The following PLB1 variants were observed in gnomAD, a reference collection of about 807,000 sequenced individuals.
PLB1 encodes the protein phospholipase B1, membrane-associated.
In PLB1, 242 loss-of-function variants were observed where a neutral mutation model predicts 227.4. The ratio of observed to expected loss-of-function variants is 1.06; its 90% CI spans 0.96 to 1.18. The LOEUF is 1.18. PLB1 is among the 50% of genes most tolerant of loss of function. The probability of loss-of-function intolerance (pLI) is 0.00; values close to 1 mark genes in which losing one functional copy is unlikely to be tolerated. For synonymous variants in PLB1, 757 were observed against 682.2 expected (o/e 1.11, Z -1.71); for missense variants, 1,858 against 1,816.3 (o/e 1.02, Z -0.42).
rs11396456 is a variant in PLB1 at position 28,510,625 on chromosome 2, C to CTTTT, written c.56-6170_56-6167dup. Among the ~76,000 whole-genome samples, 89 of 118,002 alleles carry CTTTT rather than the reference C, an allele frequency of 7.5e-4. 1 individual carries two copies. Among genetic ancestry groups the CTTTT allele is most frequent in the Middle Eastern group, 4.7e-3 (1 of 212 alleles). 77.4% of individuals were successfully genotyped at this position (118,002 alleles called of 152,430 possible). Reference sequence around the variant, plus strand: ...TTTTTTCTTTTTTCTTTTTCTCTCTCTTTTTTTTTTTTTTTTGAGATGGAG... The same window carrying CTTTT: ...TTTTTTCTTTTTTCTTTTTCTCTCTCTTTTTTTTTTTTTTTTTTTTGAGATGGAG... On this transcript the variant is annotated intron_variant, in intron 1 of 57. Coordinates refer to ENST00000327757, the MANE Select transcript of PLB1 (RefSeq NM_153021.5).
At chr2:28,586,859 C>T (rs987052807) in intron 26 of PLB1, among the ~76,000 whole-genome samples, 4 of 152,148 alleles carry the variant, frequency 2.6e-5, no homozygotes, top group African/African-American at 7.2e-5. Flanking sequence ...GTGATCCTCC[C>T]GCCTCAGTCC....
At chr2:28,559,295 A>G (rs1411873436) in intron 17 of PLB1, among the ~76,000 whole-genome samples, 1 of 152,234 alleles carries the variant, frequency 6.6e-6, no homozygotes, top group Non-Finnish European at 1.5e-5. Flanking sequence ...CCCCAGACCT[A>G]TTGAGTCAAA....
chr2:28,612,196 A>G (rs2148315626), intron 43 of PLB1, among the ~76,000 whole-genome samples: 1 of 152,306 alleles, frequency 6.6e-6, no homozygotes, highest in African/African-American at 2.4e-5. Flanking sequence ...TCAGACAGGA[A>G]TGCTGAGACC....
intron 17 of PLB1, among the ~76,000 whole-genome samples, chr2:28,554,439 T>A (rs988675298): frequency 4.8e-5 from 7 of 146,662 alleles, no homozygotes; most frequent in Non-Finnish European, 7.5e-5. Flanking sequence ...GTGATCCTCC[T>A]GCCTCAGCCT....
rs1363779591 is a variant in PLB1, at chr2:28,621,802, T to C, written c.3527+824T>C. Among the ~76,000 whole-genome samples, 3 of 152,320 alleles carry C rather than the reference T, an allele frequency of 2.0e-5. No individual in the cohort carries two copies. The East Asian group carries it at 5.8e-4, about 29-fold the overall frequency. ...GTCACGAGCAGGAAGAAATTATTTT[T>C]CTGCAAAAACTGGGCTTTATGAGGT... On this transcript the variant is annotated intron_variant, in intron 49 of 57. Transcript: ENST00000327757.
rs114968020 is a variant in PLB1, at chr2:28,573,281, A to C, written c.1409A>C (p.Gln470Pro). The change falls in exon 21 of 58, where the codon CAG becomes CCG. Residue 470 changes from glutamine to proline, a missense_variant. Physicochemically the swap from Gln to Pro is moderately conservative, Grantham distance 76. Transcript: ENST00000327757. The part of the protein sequence containing the change: ...KETSPNAFLN[Q>P]AVAGGRAEDL... ...ACCAGTCCTAATGCCTTCTTAAACC[A>C]GGCTGTGGCAGGAGGCCGAGCTGAG... 4 of 1,613,872 alleles carry C rather than the reference A, an allele frequency of 2.5e-6. No homozygotes were observed. The African/African-American group carries it at 5.3e-5, about 22-fold the overall frequency.
intron 1 of PLB1, among the ~76,000 whole-genome samples, chr2:28,497,897 T>G (rs958667088): frequency 6.6e-6 from 1 of 151,872 alleles, no homozygotes; most frequent in African/African-American, 2.4e-5. Flanking sequence ...TTTTGTATTT[T>G]TAGTAGAGAC....
intron 41 of PLB1, among the ~76,000 whole-genome samples, chr2:28,605,416 A>G (rs1684529305): frequency 6.6e-6 from 1 of 151,982 alleles, no homozygotes; most frequent in Non-Finnish European, 1.5e-5. Flanking sequence ...AGGGGACCCA[A>G]CTACCCAGGC....
intron 49 of PLB1, among the ~76,000 whole-genome samples, chr2:28,622,272 A>C (rs947319363): frequency 6.6e-6 from 1 of 152,232 alleles, no homozygotes. Context: ...TCGTGTCTAC[A>C]TTCCAGCTCC....
chr2:28,501,504 G>A (rs192203641), intron 1 of PLB1, among the ~76,000 whole-genome samples: 3 of 152,120 alleles, frequency 2.0e-5, no homozygotes, highest in Admixed American at 2.0e-4. Context: ...TGTTTCTTCT[G>A]TTCTTGCTTT....
At chr2:28,576,843 G>C (rs917783596) in intron 21 of PLB1, among the ~76,000 whole-genome samples, 4 of 152,150 alleles carry the variant, frequency 2.6e-5, no homozygotes, top group African/African-American at 9.7e-5. Context: ...CCTCAAAAAG[G>C]TTAAGTGACT....
Position 28,541,722 on chromosome 2 carries a change from C to G in PLB1, c.790C>G (p.Leu264Val). 6.2e-7 allele frequency: 1 copy of G among 1,613,858 alleles called. No homozygotes were observed. Among genetic ancestry groups the G allele is most frequent in the Non-Finnish European group, 8.5e-7 (1 of 1,179,926 alleles). The change falls in exon 13 of 58, where the codon CTC (leucine) becomes GTC (valine). Residue 264 changes from leucine to valine, a missense_variant. Coordinates refer to ENST00000327757, the MANE Select transcript of PLB1 (RefSeq NM_153021.5). ...CCTTCTCCAGGAAGCCTGGAACAGC[C>G]TCCTGGCCTCCAGCAGGTACAGTGA... The part of the protein sequence containing the change: ...QWSYQEAWNS[L>V]LASSRYSEQE...
At chr2:28,550,511 G>A (rs556983638) in intron 16 of PLB1, among the ~76,000 whole-genome samples, 2 of 148,012 alleles carry the variant, frequency 1.4e-5, no homozygotes, top group Admixed American at 6.8e-5. Context: ...GGCCAGATTT[G>A]CAACCTCAAT....
chr2:28,620,849 T>A, intron 48 of PLB1, 30 bp from the exon 49 acceptor site: 2 of 1,587,844 alleles, frequency 1.3e-6, no homozygotes, highest in Non-Finnish European at 1.7e-6. Context: ...CTCTCACCTG[T>A]GCTCTTCTCC....
intron 56 of PLB1, among the ~76,000 whole-genome samples, chr2:28,635,213 T>C (rs559457430): frequency 1.3e-5 from 2 of 152,180 alleles, no homozygotes; most frequent in African/African-American, 4.8e-5. Flanking sequence ...GAAATAATTA[T>C]ACAGTCTAAT....
chr2:28,635,750 C>G (rs953730740), intron 56 of PLB1, among the ~76,000 whole-genome samples: 7 of 152,216 alleles, frequency 4.6e-5, no homozygotes, highest in African/African-American at 1.7e-4. Flanking sequence ...TTTCCTCTTC[C>G]TCTGCCTTCT....
At chr2:28,633,078 G>GA (rs1174685109) in intron 56 of PLB1, 39 bp downstream of exon 56, 7 of 1,530,292 alleles carry the variant, frequency 4.6e-6, no homozygotes, top group East Asian at 2.2e-5. Flanking sequence ...GTCAAGGGGG[G>GA]ATCTAAGGAT....
chr2:28,501,344 C>G (rs1295275064), intron 1 of PLB1, among the ~76,000 whole-genome samples: 1 of 152,122 alleles, frequency 6.6e-6, no homozygotes, highest in Non-Finnish European at 1.5e-5. Context: ...TTCAAAATTC[C>G]TTTGCCATAC....
chr2:28,615,498 C>T (rs1333600464), intron 44 of PLB1, among the ~76,000 whole-genome samples: 1 of 152,148 alleles, frequency 6.6e-6, no homozygotes. Flanking sequence ...CATATGAAAT[C>T]ATTAAGAACT....
Sources: gnomAD v4.1 joint callset for allele counts (sites outside exome capture counted in the v4.1 genomes callset) on GRCh38, gnomAD v4.1.1 for gene constraint, MANE v1.5 for transcripts, NCBI Gene and HGNC (gene_info 2026-07-23, HGNC 2026-07-21) for gene names.